AGMO: variants seen among roughly 807,000 people sequenced by gnomAD.
AGMO encodes the protein alkylglycerol monooxygenase, also known as glyceryl-ether monooxygenase.
A neutral mutation model predicts 60.2 loss-of-function variants in AGMO; 75 were observed. The ratio of observed to expected loss-of-function variants is 1.25; its 90% confidence interval spans 1.03 to 1.51. AGMO has a LOEUF of 1.51. AGMO is among the 40% of genes most tolerant of loss of function. The probability of loss-of-function intolerance (pLI) is 0.00; values close to 1 mark genes in which losing one functional copy is unlikely to be tolerated. For synonymous variants in AGMO, 261 were observed against 177.1 expected (o/e 1.47, Z -3.76); for missense variants, 763 against 525.5 (o/e 1.45, Z -4.42).
At chr7:15,346,415 A>C (rs1269927766) in intron 12 of AGMO, among the ~76,000 whole-genome samples, 2 of 152,076 alleles carry the variant, frequency 1.3e-5, no homozygotes, top group Non-Finnish European at 2.9e-5. Context: ...CCAACATTTA[A>C]ACTAATAGTG....
chr7:15,262,017 A>C (rs1563059343), intron 12 of AGMO, among the ~76,000 whole-genome samples: 1 of 151,974 alleles, frequency 6.6e-6, no homozygotes, highest in Non-Finnish European at 1.5e-5. Flanking sequence ...AGCCATCTAC[A>C]ACAAACCCAC....
chr7:15,317,895 A>C (rs998530836), intron 12 of AGMO, among the ~76,000 whole-genome samples: 1 of 149,598 alleles, frequency 6.7e-6, no homozygotes, highest in African/African-American at 2.5e-5. Flanking sequence ...ACGTATATAT[A>C]TACACACACA....
chr7:15,436,067 T>G (rs1053048599), intron 3 of AGMO, among the ~76,000 whole-genome samples: 27 of 152,140 alleles, frequency 1.8e-4, no homozygotes, highest in Non-Finnish European at 1.0e-4. Context: ...TCTGGAAAAC[T>G]CCCTAGTTAT....
chr7:15,179,498 A>G, the AGMO span, among the ~76,000 whole-genome samples: 1 of 152,168 alleles, frequency 6.6e-6, no homozygotes. Flanking sequence ...TAAGTCTTAG[A>G]GCTCCATTTC....
intron 12 of AGMO, among the ~76,000 whole-genome samples, chr7:15,334,095 A>G (rs1464289883): frequency 6.6e-6 from 1 of 152,114 alleles, no homozygotes; most frequent in African/African-American, 2.4e-5. Flanking sequence ...ACAAGTGCCT[A>G]TATTTTCTTA....
chr7:15,383,599 T>C (rs552784862), intron 10 of AGMO, among the ~76,000 whole-genome samples: 14 of 152,292 alleles, frequency 9.2e-5, no homozygotes, highest in African/African-American at 3.4e-4. Flanking sequence ...AATAATTCCA[T>C]AGGTCTTATA....
chr7:15,212,247 TAC>T (rs57236152), intron 12 of AGMO, among the ~76,000 whole-genome samples: 8,471 of 146,228 alleles, frequency 0.058, 260 homozygotes, highest in Middle Eastern at 0.12. Flanking sequence ...AGGTGTGGAG[TAC>T]ACACACACAC....
chr7:15,387,615 T>G, intron 8 of AGMO, 75 bp from the exon 9 acceptor site: 1 of 1,331,506 alleles, frequency 7.5e-7, no homozygotes, highest in Non-Finnish European at 1.0e-6. Context: ...TTATGTATAT[T>G]ATTTTATTGT....
At chr7:15,361,725 T>A (rs1019856366) in intron 12 of AGMO, among the ~76,000 whole-genome samples, 44 of 151,890 alleles carry the variant, frequency 2.9e-4, no homozygotes, top group African/African-American at 1.0e-3. Flanking sequence ...TTTCTCCGCA[T>A]CGAACAGTTT....
chr7:15,556,940 C>G (rs1785159320), intron 2 of AGMO, among the ~76,000 whole-genome samples: 1 of 151,952 alleles, frequency 6.6e-6, no homozygotes, highest in Admixed American at 6.6e-5. Context: ...GAATCTGGTT[C>G]TTAGGACAGA....
chr7:15,354,404 G>GTATA (rs1198707542), intron 12 of AGMO, among the ~76,000 whole-genome samples: 1,184 of 34,714 alleles, frequency 0.034, 175 homozygotes, highest in Admixed American at 0.05. Flanking sequence ...ACACGTGTGT[G>GTATA]TACACACGTG....
intron 3 of AGMO, among the ~76,000 whole-genome samples, chr7:15,505,909 T>A (rs1468070025): frequency 1.3e-5 from 2 of 152,056 alleles, no homozygotes; most frequent in East Asian, 3.8e-4. Flanking sequence ...AGTTTCAGCA[T>A]GATCCAAAAT....
At chr7:15,513,413 C>A (rs11978511) in intron 3 of AGMO, among the ~76,000 whole-genome samples, 2 of 151,998 alleles carry the variant, frequency 1.3e-5, no homozygotes, top group Non-Finnish European at 2.9e-5. Flanking sequence ...TTCTTTATTT[C>A]TTCTATTTCC....
At chr7:15,415,743 C>G (rs1427293947) in intron 5 of AGMO, among the ~76,000 whole-genome samples, 3 of 151,860 alleles carry the variant, frequency 2.0e-5, no homozygotes, top group Non-Finnish European at 4.4e-5. Context: ...CAGCTAACAC[C>G]CAAATAACAC....
At chr7:15,198,213 G>GAGAGAGAGAGAGAGAGAGAC (rs1563030363), downstream of AGMO, among the ~76,000 whole-genome samples, 3 of 92,862 alleles carry the variant, frequency 3.2e-5, no homozygotes, top group African/African-American at 2.0e-4. Context: ...GAGAGAGAGA[G>GAGAGAGAGAGAGAGAGAGAC]AGAGAGAGAG....
chr7:15,451,244 C>CA, intron 3 of AGMO, among the ~76,000 whole-genome samples: 1 of 151,950 alleles, frequency 6.6e-6, no homozygotes, highest in Non-Finnish European at 1.5e-5. Context: ...AAATTATTTT[C>CA]GGTGTAATGG....
intron 3 of AGMO, among the ~76,000 whole-genome samples, chr7:15,544,168 T>C (rs1361519420): frequency 7.0e-6 from 1 of 142,776 alleles, no homozygotes; most frequent in East Asian, 2.1e-4. Flanking sequence ...GGAGCTAAGC[T>C]AAGAGGACAC....
intron 3 of AGMO, among the ~76,000 whole-genome samples, chr7:15,478,707 G>T (rs1214873463): frequency 6.6e-6 from 1 of 152,128 alleles, no homozygotes; most frequent in Non-Finnish European, 1.5e-5. Context: ...TCATGTTCCT[G>T]TTCTCACTCC....
intron 12 of AGMO, among the ~76,000 whole-genome samples, chr7:15,341,257 T>A (rs1781838353): frequency 6.6e-6 from 1 of 152,190 alleles, no homozygotes; most frequent in African/African-American, 2.4e-5. Context: ...TCCAAATTTT[T>A]ATGCTCTGTC....
Sources: allele counts gnomAD v4.1 joint callset (sites outside exome capture counted in the v4.1 genomes callset), GRCh38; gene constraint gnomAD v4.1.1; transcripts MANE v1.5; gene names NCBI Gene and HGNC (gene_info 2026-07-23, HGNC 2026-07-21).